The following TMLHE variants were observed in gnomAD, a reference collection of about 807,000 sequenced individuals.
The protein encoded by TMLHE is trimethyllysine dioxygenase, mitochondrial.
A neutral mutation model predicts 25.7 loss-of-function variants in TMLHE; 18 were observed. That is an observed-to-expected ratio of 0.70 (90% CI 0.48 to 1.04). The LOEUF (loss-of-function observed/expected upper bound fraction) is 1.04, where lower values mean the gene tolerates loss of function less well. TMLHE is among the 50% of genes least tolerant of loss of function. The probability of loss-of-function intolerance (pLI) is 0.00; values close to 1 mark genes in which losing one functional copy is unlikely to be tolerated. For synonymous variants in TMLHE, 105 were observed against 97.0 expected, an observed-to-expected ratio of 1.08 and a Z score of -0.49; for missense variants, 236 against 259.0, an observed-to-expected ratio of 0.91 and a Z score of 0.61.
At chrX:155,564,421 A>G (rs2067506121) in intron 1 of TMLHE, among the ~76,000 whole-genome samples, 1 of 62,029 alleles carries the variant, frequency 1.6e-5, no homozygotes, top group Admixed American at 1.9e-4. Flanking sequence ...GAAGACAGAA[A>G]GAAGGAAGCA....
intron 2 of TMLHE, among the ~76,000 whole-genome samples, chrX:155,536,646 C>T (rs990030332): frequency 3.6e-5 from 4 of 111,700 alleles, no homozygotes; most frequent in Non-Finnish European, 7.5e-5. Context: ...ATTAAATGAC[C>T]ACCTTCTCCT....
chrX:155,514,826 G>T (rs2067141291), intron 3 of TMLHE, among the ~76,000 whole-genome samples: 1 of 111,581 alleles, frequency 9.0e-6, no homozygotes, highest in Non-Finnish European at 1.9e-5. Flanking sequence ...GGACATTGCT[G>T]TCTAATTATA....
chrX:155,556,860 A>G (rs1244173624), intron 1 of TMLHE, among the ~76,000 whole-genome samples: 7 of 111,551 alleles, frequency 6.3e-5, no homozygotes, highest in African/African-American at 2.3e-4. Flanking sequence ...GGGCCAGTTC[A>G]GAGACCTACC....
chrX:155,594,478 C>A lies in TMLHE; in HGVS notation c.-2+18314G>T, dbSNP rs1196290748. Among the ~76,000 whole-genome samples the A allele has an allele frequency of 1.0e-3, 115 of 111,815 alleles. 5 individuals are homozygous for A. The highest frequency in any genetic ancestry group is 9.4e-5 in the Non-Finnish European group (5 of 53,101). ...CACTAGGCCTGCCCTGCAGGAATTA[C>A]TAAAGGGAGTTATTTAAGCTAAAAC... On this transcript the variant is annotated intron_variant, in intron 1 of 7. Transcript: ENST00000334398.
Position 155,571,897 on chromosome X carries a change from T to C in TMLHE, c.-1-26620A>G, listed in dbSNP as rs1318134199. 5.5e-5 allele frequency among the ~76,000 whole-genome samples: 3 copies of C among 54,201 alleles called. 1 individual carries two copies. Among genetic ancestry groups the C allele is most frequent in the African/African-American group, 1.3e-4 (3 of 22,421 alleles). 47.1% of individuals were successfully genotyped at this position (54,201 alleles called of 115,157 possible). On this transcript the variant is annotated intron_variant, in intron 1 of 7. Transcript: ENST00000334398. ...AATATCATACTGAATGGGCAAAAAC[T>C]GGAAGCATTCCCTTTGAAAACTGGC...
chrX:155,505,569 T>C (rs782304171), intron 6 of TMLHE, among the ~76,000 whole-genome samples: 1 of 111,695 alleles, frequency 9.0e-6, no homozygotes, highest in Non-Finnish European at 1.9e-5. Flanking sequence ...GATTTCACAC[T>C]GAACTCCTTC....
chrX:155,571,833 C>T (rs1270314555), intron 1 of TMLHE, among the ~76,000 whole-genome samples: 1 of 52,370 alleles, frequency 1.9e-5, no homozygotes, highest in African/African-American at 4.6e-5. Flanking sequence ...TGGGACGTAT[C>T]TCAAAATAAT....
chrX:155,544,107 A>G (rs1206441337), intron 2 of TMLHE, among the ~76,000 whole-genome samples: 1 of 111,655 alleles, frequency 9.0e-6, no homozygotes, highest in African/African-American at 3.3e-5. Flanking sequence ...CAATCTTCAG[A>G]TTCTCAGTCT....
chrX:155,555,288 T>C (rs189551239), intron 1 of TMLHE, among the ~76,000 whole-genome samples: 1 of 110,717 alleles, frequency 9.0e-6, no homozygotes, highest in African/African-American at 3.3e-5. Context: ...TGATGGACAT[T>C]TGGGTTGGTT....
intron 3 of TMLHE, among the ~76,000 whole-genome samples, chrX:155,516,010 CTTCTTTT>C (rs1474671852): frequency 4.3e-4 from 29 of 67,000 alleles, no homozygotes; most frequent in Middle Eastern, 0.011. Flanking sequence ...TTGTACTTTT[CTTCTTTT>C]TTTTTTTTTT....
At chrX:155,607,045 A>G (rs2067791297) in intron 1 of TMLHE, among the ~76,000 whole-genome samples, 1 of 111,750 alleles carries the variant, frequency 8.9e-6, no homozygotes, top group Non-Finnish European at 1.9e-5. Flanking sequence ...AGACATATAA[A>G]GAAGAGCTGG....
chrX:155,554,712 T>C (rs1468065739), intron 1 of TMLHE, among the ~76,000 whole-genome samples: 2 of 109,800 alleles, frequency 1.8e-5, no homozygotes, highest in Admixed American at 9.7e-5. Flanking sequence ...CCCTTGCTGT[T>C]GTAAAATCTT....
chrX:155,565,885 C>A lies in TMLHE; in HGVS notation c.-1-20608G>T, dbSNP rs2067510245. 3.2e-5 allele frequency among the ~76,000 whole-genome samples: 2 copies of A among 61,893 alleles called. 1 individual carries two copies. The highest frequency in any genetic ancestry group is 9.1e-5 in the Non-Finnish European group (2 of 22,054). 53.7% of individuals were successfully genotyped at this position (61,893 alleles called of 115,157 possible). A position where few individuals can be genotyped will look rare whatever the true frequency, so the allele number is the denominator to read the frequency against. ...TAGTAAAAGTATAGGCAAGGCACCC[C>A]ATCACCCCGTGGGGGTCTCCTGCAT... On this transcript the variant is annotated intron_variant, in intron 1 of 7. Transcript: ENST00000334398.
chrX:155,543,871 G>A (rs1471504622), intron 2 of TMLHE, among the ~76,000 whole-genome samples: 1 of 111,484 alleles, frequency 9.0e-6, no homozygotes, highest in Non-Finnish European at 1.9e-5. Context: ...TATTAATCTG[G>A]CCTGGAGTTA....
At chrX:155,569,729 C>G (rs782148385) in intron 1 of TMLHE, among the ~76,000 whole-genome samples, 2,946 of 52,305 alleles carry the variant, frequency 0.056, 671 homozygotes, top group African/African-American at 0.066. Context: ...CATATCCAGC[C>G]AAACTAAGCT....
At chrX:155,571,346 C>T (rs1370057606) in intron 1 of TMLHE, among the ~76,000 whole-genome samples, 1 of 55,125 alleles carries the variant, frequency 1.8e-5, no homozygotes, top group African/African-American at 4.4e-5. Flanking sequence ...TAATCAATAG[C>T]TTACCAACCA....
intron 1 of TMLHE, among the ~76,000 whole-genome samples, chrX:155,545,617 G>A (rs5940476): frequency 0.026 from 2,898 of 111,963 alleles, 51 homozygotes; most frequent in South Asian, 0.043. Flanking sequence ...CATATATGAT[G>A]GTGGTCCCAT....
intron 2 of TMLHE, among the ~76,000 whole-genome samples, chrX:155,536,880 G>C (rs1394823714): frequency 1.8e-5 from 2 of 111,614 alleles, no homozygotes; most frequent in Non-Finnish European, 3.8e-5. Context: ...ACAGTTCTTA[G>C]CTCAGTTAAT....
At chrX:155,598,411 A>C (rs2067735813) in intron 1 of TMLHE, among the ~76,000 whole-genome samples, 2 of 109,804 alleles carry the variant, frequency 1.8e-5, no homozygotes, top group Non-Finnish European at 3.8e-5. Flanking sequence ...AGGGACATGG[A>C]TGAAGCTGGA....
Sources: allele counts gnomAD v4.1 joint callset (sites outside exome capture counted in the v4.1 genomes callset), GRCh38; gene constraint gnomAD v4.1.1; transcripts MANE v1.5; gene names NCBI Gene and HGNC (gene_info 2026-07-23, HGNC 2026-07-21).